Variants in PRKG1 observed in about 807,000 individuals in gnomAD.
PRKG1 encodes protein kinase cGMP-dependent 1.
In PRKG1, 35 loss-of-function variants were observed where a neutral mutation model predicts 88.1. The observed-to-expected ratio is 0.40, with a 90% CI of 0.30 to 0.53. PRKG1 has a LOEUF of 0.53. Among genes scored for constraint, PRKG1 ranks in the 20% least tolerant of loss-of-function variants. PRKG1 has a pLI of 0.59. For missense variants in PRKG1, 540 were observed against 839.8 expected (o/e 0.64, Z 4.41); for synonymous variants, 303 against 292.5 (o/e 1.04, Z -0.37).
Position 51,134,173 on chromosome 10 carries a change from G to A in PRKG1, c.312-18991G>A, listed in dbSNP as rs146563643. ...AAATTTAGAGGTCTAACAACTATTT[G>A]TACTTTTAAAAACTTCAATAAATAG... On this transcript the variant is annotated intron_variant, in intron 1 of 17. Coordinates refer to ENST00000373980, the MANE Select transcript of PRKG1 (RefSeq NM_006258.4). Among the ~76,000 whole-genome samples the A allele has an allele frequency of 6.4e-4, 97 of 152,260 alleles. 2 individuals carry two copies. The highest frequency in any genetic ancestry group is 1.0e-3 in the Non-Finnish European group (70 of 68,000).
At position 51,004,646 on chromosome 10, in the gene PRKG1, C is replaced by T. The variant is rs368658749; in HGVS notation, c.266+13002C>T. On this transcript the variant is annotated intron_variant, in intron 1 of 17. Coordinates refer to the PRKG1 transcript ENST00000401604. ...GTTACATTCATGAGAATGCTCTTTT[C>T]GGAATGATGTTTACATGCCCTTTTA... Among the ~76,000 whole-genome samples the T allele has an allele frequency of 4.0e-5, 6 of 151,766 alleles. No individual in the cohort carries two copies. The South Asian group carries it at 1.0e-3, about 26-fold the overall frequency.
chr10:51,856,951 G>A (rs1347382946), intron 4 of PRKG1, among the ~76,000 whole-genome samples: 2 of 139,684 alleles, frequency 1.4e-5, no homozygotes, highest in Non-Finnish European at 1.5e-5. Context: ...GCGACAGAGC[G>A]AGACTCCGTC....
At chr10:51,180,762 G>A (rs886156044) in intron 2 of PRKG1, among the ~76,000 whole-genome samples, 2 of 152,128 alleles carry the variant, frequency 1.3e-5, no homozygotes, top group African/African-American at 2.4e-5. Context: ...TAGCAACAGT[G>A]CTCCTAGACA....
chr10:51,287,483 G>A (rs1181573864), intron 2 of PRKG1, among the ~76,000 whole-genome samples: 2 of 152,114 alleles, frequency 1.3e-5, no homozygotes, highest in Non-Finnish European at 2.9e-5. Context: ...ACAGAGCTAC[G>A]GGCAGTTCAG....
At chr10:51,953,242 A>G (rs1181323319) in intron 5 of PRKG1, among the ~76,000 whole-genome samples, 3 of 152,214 alleles carry the variant, frequency 2.0e-5, no homozygotes, top group African/African-American at 7.2e-5. Flanking sequence ...CAAGGAGAAA[A>G]TAATATAAAA....
At position 51,074,872 on chromosome 10, in the gene PRKG1, G is replaced by A. The variant is rs140072060; in HGVS notation, c.282G>A (p.Val94=). 1 of 1,612,484 alleles carries A rather than the reference G, an allele frequency of 6.2e-7. No individual in the cohort carries two copies. The highest frequency in any genetic ancestry group is 8.5e-7 in the Non-Finnish European group (1 of 1,178,950). ...TCGACATCCAGGATCTCAGCCATGT[G>A]ACCCTGCCCTTCTACCCCAAGAGCC... The part of the protein sequence containing the change: ...TAFDIQDLSH[V]TLPFYPKSPQ... The change falls in exon 1 of 18, where the codon GTG becomes GTA. Residue 94 remains valine (V), a synonymous_variant. Coordinates refer to ENST00000373980, the MANE Select transcript of PRKG1 (RefSeq NM_006258.4).
chr10:51,782,135 A>G (rs1348783290), intron 3 of PRKG1, among the ~76,000 whole-genome samples: 1 of 152,138 alleles, frequency 6.6e-6, no homozygotes, highest in African/African-American at 2.4e-5. Flanking sequence ...ATCCTAAACA[A>G]GGACTGCTTA....
intron 5 of PRKG1, among the ~76,000 whole-genome samples, chr10:51,982,723 C>T (rs756885146): frequency 2.0e-5 from 3 of 152,174 alleles, no homozygotes; most frequent in Admixed American, 2.0e-4. Context: ...GTTCACTATA[C>T]TCCAATGGGT....
At chr10:51,570,718 C>T (rs2132167230) in intron 3 of PRKG1, among the ~76,000 whole-genome samples, 1 of 151,788 alleles carries the variant, frequency 6.6e-6, no homozygotes, top group African/African-American at 2.4e-5. Context: ...CCCTAAGTAT[C>T]CTGAAAATAG....
At chr10:52,293,250 T>G (rs568951959) in intron 17 of PRKG1, among the ~76,000 whole-genome samples, 129 of 151,660 alleles carry the variant, frequency 8.5e-4, no homozygotes, top group Non-Finnish European at 1.6e-3. Context: ...CACTGCTCAA[T>G]GAAATAAAAG....
intron 8 of PRKG1, among the ~76,000 whole-genome samples, chr10:52,137,809 G>A (rs2132643814): frequency 6.6e-6 from 1 of 152,190 alleles, no homozygotes; most frequent in Admixed American, 6.6e-5. Flanking sequence ...GATACAGAAT[G>A]CATGAATATG....
intron 4 of PRKG1, among the ~76,000 whole-genome samples, chr10:51,878,195 A>C (rs1466900015): frequency 2.6e-5 from 4 of 151,782 alleles, no homozygotes; most frequent in Non-Finnish European, 4.4e-5. Context: ...TGTATATATA[A>C]ATATAAAGCA....
intron 1 of PRKG1, among the ~76,000 whole-genome samples, chr10:51,054,837 C>T (rs1246639006): frequency 6.6e-6 from 1 of 152,010 alleles, no homozygotes; most frequent in Non-Finnish European, 1.5e-5. Context: ...AGTTTTCTCA[C>T]GTTTAAAATT....
In PRKG1 at chr10:51,389,611, ACTTAGTTAAGCTCC is replaced by A. The variant is rs761560865; in HGVS notation, c.479-78107_479-78094del. ...GGGTGTCCCATCAAGTCCTTGGCCA[ACTTAGTTAAGCTCC>A]CTTATTCTCAGTAACTTCTTTTTAA... On this transcript the variant is annotated intron_variant, in intron 2 of 17. Transcript: ENST00000373980. Among the ~76,000 whole-genome samples, 25 of 152,184 alleles carry A rather than the reference ACTTAGTTAAGCTCC, an allele frequency of 1.6e-4. No individual in the cohort carries two copies. The South Asian group carries it at 5.2e-3, about 32-fold the overall frequency.
At chr10:52,259,396 T>C (rs1841382263) in intron 10 of PRKG1, among the ~76,000 whole-genome samples, 1 of 151,358 alleles carries the variant, frequency 6.6e-6, no homozygotes, top group Non-Finnish European at 1.5e-5. Context: ...AGTCCCTTTG[T>C]ATGTCTTAAT....
chr10:51,807,786 AG>A lies in PRKG1; in HGVS notation c.698+3098del, dbSNP rs1228448761. Among the ~76,000 whole-genome samples, 2 of 152,138 alleles carry A rather than the reference AG, an allele frequency of 1.3e-5. 1 individual carries two copies. Among genetic ancestry groups the A allele is most frequent in the Non-Finnish European group, 2.9e-5 (2 of 68,004 alleles). ...AGGGGAAGGTTAAAATAATATTTTT[AG>A]GCTTTATGGATGGCTTTCGGGGGGA... is the stretch of plus-strand genomic sequence containing the variant. On this transcript the variant is annotated intron_variant, in intron 4 of 17. Transcript: ENST00000373980.
intron 3 of PRKG1, among the ~76,000 whole-genome samples, chr10:51,744,716 T>G (rs1160357891): frequency 6.6e-6 from 1 of 152,220 alleles, no homozygotes; most frequent in Non-Finnish European, 1.5e-5. Flanking sequence ...AGCTGTTGCA[T>G]TAACCATTAT....
Position 50,991,322 on chromosome 10 carries a change from C to CGCCGCCGCCGCCCCA in PRKG1, c.-45_-44insCCAGCCGCCGCCGCC, listed in dbSNP as rs1554828342. The CGCCGCCGCCGCCCCA allele has an allele frequency of 1.4e-6, 2 of 1,394,776 alleles. No homozygotes were observed. Among genetic ancestry groups the CGCCGCCGCCGCCCCA allele is most frequent in the African/African-American group, 3.1e-5 (2 of 64,062 alleles). 86.4% of individuals were successfully genotyped at this position (1,394,776 alleles called of 1,614,324 possible). On this transcript the variant is annotated 5_prime_UTR_variant, in exon 1 of 18. Transcript: ENST00000401604. The surrounding 1 kb of genome is among the most constrained non-coding windows in gnomAD (Gnocchi z 4.5). ...CGGCTGCCGTCCCAGCCGCCGCCGC[C>CGCCGCCGCCGCCCCA]GCCGCCGCCGCCGCCGCCGCCCGAG...
chr10:50,991,276 C>T lies in PRKG1; in HGVS notation c.-103C>T. 1.4e-6 allele frequency: 2 copies of T among 1,436,918 alleles called. No individual in the cohort carries two copies. The highest frequency in any genetic ancestry group is 1.8e-6 in the Non-Finnish European group (2 of 1,093,602). 89.0% of individuals were successfully genotyped at this position (1,436,918 alleles called of 1,614,324 possible). Reference sequence around the variant, plus strand: ...CGAGTACTTAGCGCCCATTCACTCGCTCACCCGCGCTCTCCGCTGCCGGCT... The same window carrying T: ...CGAGTACTTAGCGCCCATTCACTCGTTCACCCGCGCTCTCCGCTGCCGGCT... On this transcript the variant is annotated 5_prime_UTR_variant, in exon 1 of 18. Transcript: ENST00000401604. This position sits in a 1 kb window ranked among gnomAD's most constrained non-coding sequence, Gnocchi z 4.5.
Sources: gnomAD v4.1 joint callset for allele counts (sites outside exome capture counted in the v4.1 genomes callset) on GRCh38, gnomAD v4.1.1 for gene constraint, Gnocchi (gnomAD v3.1) non-coding constraint, MANE v1.5 for transcripts, NCBI Gene and HGNC (gene_info 2026-07-23, HGNC 2026-07-21) for gene names.